DLG1: variants seen among roughly 807,000 people sequenced by gnomAD.
DLG1 encodes discs large MAGUK scaffold protein 1, also known as disks large homolog 1.
Under a neutral mutation model 123.4 loss-of-function variants are expected in DLG1, and 42 were observed. The ratio of observed to expected loss-of-function variants is 0.34; its 90% confidence interval spans 0.27 to 0.44. The LOEUF (loss-of-function observed/expected upper bound fraction) is 0.44. DLG1 is among the 20% of genes least tolerant of loss of function. The pLI, the probability that DLG1 is intolerant of heterozygous loss-of-function variation, is 1.00. For synonymous variants in DLG1, 317 were observed against 356.2 expected, an observed-to-expected ratio of 0.89 and a Z score of 1.24; for missense variants, 942 against 1,082.6, an observed-to-expected ratio of 0.87 and a Z score of 1.82.
At chr3:197,125,409 G>A (rs996987182) in intron 11 of DLG1, among the ~76,000 whole-genome samples, 16 of 152,128 alleles carry the variant, frequency 1.1e-4, no homozygotes, top group Non-Finnish European at 2.2e-4. Context: ...ATTCTGCTGC[G>A]AAGAAGAAGG....
intron 4 of DLG1, among the ~76,000 whole-genome samples, chr3:197,262,194 G>C (rs763016993): frequency 2.6e-5 from 4 of 152,128 alleles, no homozygotes; most frequent in Non-Finnish European, 5.9e-5. Context: ...GAGGATTAGA[G>C]GGTTAGAGGG....
intron 4 of DLG1, among the ~76,000 whole-genome samples, chr3:197,256,091 T>C (rs1465086033): frequency 6.6e-6 from 1 of 152,252 alleles, no homozygotes; most frequent in Non-Finnish European, 1.5e-5. Flanking sequence ...TTTAATGACA[T>C]GCTAGCTTTA....
intron 11 of DLG1, among the ~76,000 whole-genome samples, chr3:197,126,419 A>G (rs1779133608): frequency 6.6e-6 from 1 of 152,036 alleles, no homozygotes; most frequent in Non-Finnish European, 1.5e-5. Flanking sequence ...GTGATCCGAG[A>G]TCACGCCACT....
chr3:197,083,308 TAAGAAA>T (rs991154646), intron 16 of DLG1, among the ~76,000 whole-genome samples: 15 of 152,174 alleles, frequency 9.9e-5, no homozygotes, highest in African/African-American at 3.6e-4. Context: ...ATTCAACTAA[TAAGAAA>T]AAGATGTTTA....
At chr3:197,260,218 G>A (rs1366447023) in intron 4 of DLG1, 5 of 413,440 alleles carry the variant, frequency 1.2e-5, no homozygotes, top group Non-Finnish European at 1.9e-5. Context: ...TCTCACATCT[G>A]TCACTAACAA....
chr3:197,178,720 C>T (rs1270412980), intron 5 of DLG1, among the ~76,000 whole-genome samples: 4 of 152,038 alleles, frequency 2.6e-5, no homozygotes, highest in African/African-American at 4.8e-5. Context: ...GTACTATCCA[C>T]GAGTCAAAGG....
intron 10 of DLG1, among the ~76,000 whole-genome samples, chr3:197,134,680 C>T (rs1456134245): frequency 6.6e-6 from 1 of 152,212 alleles, no homozygotes; most frequent in African/African-American, 2.4e-5. Flanking sequence ...TTTTCTGAGC[C>T]TCTTCTGGCT....
chr3:197,052,749 T>C (rs1037088545), intron 23 of DLG1, among the ~76,000 whole-genome samples: 2 of 152,128 alleles, frequency 1.3e-5, no homozygotes, highest in African/African-American at 4.8e-5. Flanking sequence ...GGGAAACATC[T>C]GCAGAAGAAA....
chr3:197,176,929 G>GT (rs1387134221), intron 5 of DLG1, among the ~76,000 whole-genome samples: 1 of 151,784 alleles, frequency 6.6e-6, no homozygotes, highest in Non-Finnish European at 1.5e-5. Context: ...CTTTTCTAGA[G>GT]TGTCCTATTG....
chr3:197,079,309 T>G (rs3773842), intron 17 of DLG1, among the ~76,000 whole-genome samples: 63,250 of 152,028 alleles, frequency 0.42, 13,826 homozygotes, highest in East Asian at 0.74. Context: ...GACATGTTAA[T>G]GAGAAACTAA....
chr3:197,225,590 T>C (rs984703871), intron 4 of DLG1, among the ~76,000 whole-genome samples: 4 of 152,224 alleles, frequency 2.6e-5, no homozygotes, highest in African/African-American at 7.2e-5. Flanking sequence ...TTCTCCACAG[T>C]AGCAACACAT....
chr3:197,132,472 C>G (rs1285350459), intron 10 of DLG1, among the ~76,000 whole-genome samples: 1 of 152,160 alleles, frequency 6.6e-6, no homozygotes, highest in Non-Finnish European at 1.5e-5. Context: ...AATAATTTCC[C>G]TTCACTGATG....
At chr3:197,208,571 G>A (rs1252083085) in intron 4 of DLG1, among the ~76,000 whole-genome samples, 1 of 145,600 alleles carries the variant, frequency 6.9e-6, no homozygotes, top group Non-Finnish European at 1.5e-5. Flanking sequence ...AATATCACAA[G>A]TCATAAAATG....
intron 4 of DLG1, among the ~76,000 whole-genome samples, chr3:197,269,707 T>C (rs777833439): frequency 6.6e-6 from 1 of 152,200 alleles, no homozygotes; most frequent in African/African-American, 2.4e-5. Context: ...AGAACCAAAA[T>C]CTGGCTCACC....
rs555981112 is a variant in DLG1 at position 197,116,715 on chromosome 3, GAAT to G, written c.1287-635_1287-633del. The stretch of plus-strand genomic sequence containing the variant: ...AAAATAAACAAAACCCCACACGACT[GAAT>G]AATACAATCCCTTTACTGGTTTGGA... On this transcript the variant is annotated intron_variant, in intron 12 of 24. Transcript: ENST00000667157. 3.7e-3 allele frequency among the ~76,000 whole-genome samples: 566 copies of G among 152,234 alleles called. 3 individuals carry two copies. The highest frequency in any genetic ancestry group is 0.013 in the African/African-American group (536 of 41,556).
chr3:197,226,593 C>T (rs1740086457), intron 4 of DLG1, among the ~76,000 whole-genome samples: 1 of 152,128 alleles, frequency 6.6e-6, no homozygotes, highest in Non-Finnish European at 1.5e-5. Context: ...TCTCTATAAA[C>T]AATTCAAGCA....
intron 4 of DLG1, 136 bp from the exon 5 acceptor site, chr3:197,194,725 A>T: frequency 2.0e-6 from 1 of 492,378 alleles, no homozygotes; most frequent in Non-Finnish European, 3.5e-6. Context: ...ATCAGATCTC[A>T]GAGAAATAGG....
chr3:197,060,242 G>C (rs1165878653), intron 22 of DLG1, among the ~76,000 whole-genome samples: 3 of 152,150 alleles, frequency 2.0e-5, no homozygotes, highest in African/African-American at 7.2e-5. Flanking sequence ...ACAGTTCCTA[G>C]TTTTCACGGA....
intron 6 of DLG1, among the ~76,000 whole-genome samples, chr3:197,146,900 C>T (rs1051515274): frequency 1.3e-5 from 2 of 152,086 alleles, no homozygotes; most frequent in Non-Finnish European, 2.9e-5. Flanking sequence ...ATACTTCTGA[C>T]AAAGGACTAA....
Sources: gnomAD v4.1 joint callset for allele counts (sites outside exome capture counted in the v4.1 genomes callset) on GRCh38, gnomAD v4.1.1 for gene constraint, MANE v1.5 for transcripts, NCBI Gene and HGNC (gene_info 2026-07-23, HGNC 2026-07-21) for gene names.